Variants in RASGRF2 observed in about 807,000 individuals in gnomAD.
RASGRF2 encodes the protein Ras protein specific guanine nucleotide releasing factor 2, also known as ras-specific guanine nucleotide-releasing factor 2.
In RASGRF2, 76 loss-of-function variants were observed where a neutral mutation model predicts 151.0. That is an observed-to-expected ratio of 0.50 (90% CI 0.42 to 0.61). RASGRF2 has a LOEUF of 0.61. Among genes scored for constraint, RASGRF2 ranks in the 20% least tolerant of loss-of-function variants. The probability of loss-of-function intolerance (pLI) is 0.00; values close to 1 mark genes in which losing one functional copy is unlikely to be tolerated. For synonymous variants in RASGRF2, 504 were observed against 566.5 expected (o/e 0.89, Z 1.57); for missense variants, 1,148 against 1,564.6 (o/e 0.73, Z 4.49).
intron 17 of RASGRF2, among the ~76,000 whole-genome samples, chr5:81,163,907 C>T (rs1426344420): frequency 6.6e-6 from 1 of 152,164 alleles, no homozygotes; most frequent in Non-Finnish European, 1.5e-5. Context: ...AATTCTCTTA[C>T]TTCATGAGGT....
At chr5:81,128,228 A>T (rs1753521597) in intron 17 of RASGRF2, among the ~76,000 whole-genome samples, 1 of 152,164 alleles carries the variant, frequency 6.6e-6, no homozygotes, top group Non-Finnish European at 1.5e-5. Flanking sequence ...CACCATGGTG[A>T]CTAGTTAAAA....
At chr5:81,183,849 A>G (rs1207634269) in intron 18 of RASGRF2, among the ~76,000 whole-genome samples, 1 of 152,208 alleles carries the variant, frequency 6.6e-6, no homozygotes, top group Non-Finnish European at 1.5e-5. Flanking sequence ...TCTCCCAAGG[A>G]TGTGATGAAG....
chr5:81,170,612 T>C (rs1220412197), intron 17 of RASGRF2, among the ~76,000 whole-genome samples: 2 of 152,208 alleles, frequency 1.3e-5, no homozygotes, highest in East Asian at 3.8e-4. Flanking sequence ...TGACTCTGTC[T>C]TTCTCTTCAT....
At chr5:80,968,822 T>A (rs1197532257) in intron 1 of RASGRF2, among the ~76,000 whole-genome samples, 1 of 152,082 alleles carries the variant, frequency 6.6e-6, no homozygotes, top group Non-Finnish European at 1.5e-5. Flanking sequence ...TAGTTGGGAC[T>A]ACAAATGTGT....
At chr5:81,123,559 A>G in intron 15 of RASGRF2, 83 bp from the exon 16 acceptor site, 1 of 1,475,256 alleles carries the variant, frequency 6.8e-7, no homozygotes, top group Non-Finnish European at 9.2e-7. Flanking sequence ...ATCTGTAATG[A>G]ACTTTTGTTT....
At chr5:81,217,599 A>C in intron 25 of RASGRF2, 126 bp downstream of exon 25, 1 of 460,656 alleles carries the variant, frequency 2.2e-6, no homozygotes, top group Non-Finnish European at 3.1e-6. Context: ...TTTTTTTTTG[A>C]GAAACAATCT....
Position 81,037,177 on chromosome 5 carries a change from G to A in RASGRF2, c.289-5700G>A, listed in dbSNP as rs148770905. 1.4e-4 allele frequency among the ~76,000 whole-genome samples: 22 copies of A among 152,154 alleles called. No individual in the cohort carries two copies. The East Asian group carries it at 4.1e-3, about 28-fold the overall frequency. ...CCATGATTCAATTATCTCTCACCAGGTCCACACAACACATGAGAATTATGG... is the reference window on the plus strand; with the variant it reads ...CCATGATTCAATTATCTCTCACCAGATCCACACAACACATGAGAATTATGG... On this transcript the variant is annotated intron_variant, in intron 1 of 26. Transcript: ENST00000265080.
intron 18 of RASGRF2, among the ~76,000 whole-genome samples, chr5:81,188,893 G>A (rs1345750092): frequency 2.6e-5 from 4 of 152,188 alleles, no homozygotes; most frequent in African/African-American, 4.8e-5. Flanking sequence ...CAACTGTTGA[G>A]ATGCAGACCG....
intron 25 of RASGRF2, 101 bp downstream of exon 25, chr5:81,217,574 CTTTTTTTT>C (rs71603577): frequency 2.8e-5 from 5 of 181,618 alleles, no homozygotes; most frequent in African/African-American, 4.3e-5. Context: ...TTTTTCTCTT[CTTTTTTTT>C]TTTTTTTTTT....
intron 1 of RASGRF2, among the ~76,000 whole-genome samples, chr5:80,969,672 C>T (rs1488026891): frequency 4.0e-5 from 6 of 151,330 alleles, no homozygotes; most frequent in Non-Finnish European, 8.8e-5. Flanking sequence ...AGGATGATCT[C>T]GATCTCCTGA....
intron 17 of RASGRF2, among the ~76,000 whole-genome samples, chr5:81,135,599 A>C (rs1753734967): frequency 6.6e-6 from 1 of 152,224 alleles, no homozygotes; most frequent in East Asian, 1.9e-4. Flanking sequence ...TTTTTGTAGA[A>C]TGCATCAGTC....
In RASGRF2 at chr5:81,121,705, C is replaced by T. The variant is rs574923280; in HGVS notation, c.2471-1937C>T. Among the ~76,000 whole-genome samples, 4 of 152,270 alleles carry T rather than the reference C, an allele frequency of 2.6e-5. No homozygotes were observed. In the South Asian group the frequency reaches 8.3e-4, roughly 32 times the overall value. ...CAGTCAGTTTCTATCTTCTTCAACC[C>T]CAGGTGCTTCTACAAAACACAAATA... On this transcript the variant is annotated intron_variant, in intron 15 of 26. Transcript: ENST00000265080.
intron 17 of RASGRF2, among the ~76,000 whole-genome samples, chr5:81,127,961 A>AAAAAG (rs1753509742): frequency 1.3e-5 from 2 of 151,868 alleles, no homozygotes; most frequent in Non-Finnish European, 2.9e-5. Context: ...AAGAAAAGAA[A>AAAAAG]AAAAGAAATC....
At position 81,229,166 on chromosome 5, in the gene RASGRF2, A is replaced by T. The variant is rs1267324431; in HGVS notation, c.*3396A>T. 2 of 151,452 alleles carry T rather than the reference A, an allele frequency of 1.3e-5. No homozygotes were observed. Among genetic ancestry groups the T allele is most frequent in the Non-Finnish European group, 2.9e-5 (2 of 67,822 alleles). The allele number at this position is 151,452 out of a possible 1,614,324, so 9.4% of individuals were successfully genotyped here. A position where few individuals can be genotyped will look rare whatever the true frequency, so the allele number is the denominator to read the frequency against. On this transcript the variant is annotated 3_prime_UTR_variant, in exon 27 of 27. Transcript: ENST00000265080. ...AGATTTTACTTAGCTTTTTTTTTTC[A>T]AAGTTTGATTTTATCCCCTTGAAAA...
At chr5:80,973,399 C>G (rs1748004005) in intron 1 of RASGRF2, among the ~76,000 whole-genome samples, 1 of 152,214 alleles carries the variant, frequency 6.6e-6, no homozygotes, top group South Asian at 2.1e-4. Context: ...GGTTGTTGCT[C>G]TTCCTGCGCC....
intron 1 of RASGRF2, among the ~76,000 whole-genome samples, chr5:81,034,583 A>C (rs1750397708): frequency 6.6e-6 from 1 of 151,838 alleles, no homozygotes; most frequent in African/African-American, 2.4e-5. Context: ...GATTAAGAAA[A>C]TGTGGCACAT....
intron 1 of RASGRF2, among the ~76,000 whole-genome samples, chr5:81,001,945 T>TAAC (rs1749094620): frequency 6.6e-6 from 1 of 152,200 alleles, no homozygotes; most frequent in Non-Finnish European, 1.5e-5. Flanking sequence ...TATTGAGGGG[T>TAAC]AACAGAATTG....
chr5:80,967,989 T>C (rs536762441), intron 1 of RASGRF2, among the ~76,000 whole-genome samples: 1 of 152,342 alleles, frequency 6.6e-6, no homozygotes, highest in South Asian at 2.1e-4. Context: ...CTCTGCTACT[T>C]ACCAGACACA....
At chr5:81,101,636 GTCTC>G (rs538013298) in intron 12 of RASGRF2, among the ~76,000 whole-genome samples, 3 of 150,990 alleles carry the variant, frequency 2.0e-5, no homozygotes, top group African/African-American at 7.3e-5. Context: ...CTTTCTCTCT[GTCTC>G]TCTCTCTCTC....
Sources: allele counts gnomAD v4.1 joint callset (sites outside exome capture counted in the v4.1 genomes callset), GRCh38; gene constraint gnomAD v4.1.1; transcripts MANE v1.5; gene names NCBI Gene and HGNC (gene_info 2026-07-23, HGNC 2026-07-21).